Variants in DUS1L observed in about 807,000 individuals in gnomAD.
The protein encoded by DUS1L is tRNA-dihydrouridine(16/17) synthase [NAD(P)(+)]-like.
Under a neutral mutation model 61.2 loss-of-function variants are expected in DUS1L, and 56 were observed. The observed-to-expected ratio is 0.92, with a 90% CI of 0.74 to 1.14. DUS1L has a LOEUF of 1.14. DUS1L is among the 50% of genes most tolerant of loss of function. The probability of loss-of-function intolerance (pLI) is 0.00; values close to 1 mark genes in which losing one functional copy is unlikely to be tolerated. For missense variants in DUS1L, 630 were observed against 632.4 expected (o/e 1.00, Z 0.04); for synonymous variants, 278 against 259.5 (o/e 1.07, Z -0.69).
At chr17:82,062,267 A>G (rs1195804971) in intron 5 of DUS1L, among the ~76,000 whole-genome samples, 2 of 152,112 alleles carry the variant, frequency 1.3e-5, no homozygotes, top group Non-Finnish European at 2.9e-5. Context: ...CCAGGCCGGG[A>G]AGTGGCAGCA....
chr17:82,063,552 G>A (rs2033613906), intron 3 of DUS1L, 34 bp from the exon 4 acceptor site: 1 of 1,612,788 alleles, frequency 6.2e-7, no homozygotes, highest in Non-Finnish European at 8.5e-7. Context: ...GCTGGCACCT[G>A]TGTTAAGGCT....
rs1044261628 is a variant in DUS1L at position 82,064,815 on chromosome 17, C to A, written c.237+8G>T. ...ACCGCGGCCGCGGCCACAGCCCCTC[C>A]TGCGCACCTGCACGATGAGGGGCCG... On this transcript the variant is annotated splice_region_variant and intron_variant, in intron 2 of 13. Coordinates refer to ENST00000306796, the MANE Select transcript of DUS1L (RefSeq NM_022156.5). 1 of 1,603,660 alleles carries A rather than the reference C, an allele frequency of 6.2e-7. No individual in the cohort carries two copies. The highest frequency in any genetic ancestry group is 1.3e-5 in the African/African-American group (1 of 74,886).
At chr17:82,064,259 A>C in intron 2 of DUS1L, 25 bp from the exon 3 acceptor site, 1 of 1,599,454 alleles carries the variant, frequency 6.3e-7, no homozygotes, top group Non-Finnish European at 8.5e-7. Context: ...GGAGTCAGCC[A>C]CGGGCCCAGC....
At position 82,058,256 on chromosome 17, in the gene DUS1L, T is replaced by C. The variant is rs2033163888; in HGVS notation, c.1283-2A>G. 3.2e-6 allele frequency: 5 copies of C among 1,574,466 alleles called. No homozygotes were observed. The highest frequency in any genetic ancestry group is 4.3e-6 in the Non-Finnish European group (5 of 1,154,528). On this transcript the variant is annotated splice_acceptor_variant, in intron 13 of 13. Transcript: ENST00000306796. LOFTEE classifies it high-confidence loss of function. ...TGGTTTTAAAAAGCAATCCGTGACC[T>C]GGCAGAGCGAGTGAGAGGAGTCGGG...
At chr17:82,061,171 G>A (rs1326022532) in intron 8 of DUS1L, 38 bp downstream of exon 8, 1 of 1,559,552 alleles carries the variant, frequency 6.4e-7, no homozygotes, top group Non-Finnish European at 8.7e-7. Context: ...TGCCTGGGCG[G>A]CCCTCCAACG....
At chr17:82,058,503 C>G (rs781193608) in intron 12 of DUS1L, 87 bp from the exon 13 acceptor site, 58 of 1,471,848 alleles carry the variant, frequency 3.9e-5, no homozygotes, top group Non-Finnish European at 4.8e-5. Flanking sequence ...ACTGGGGAAG[C>G]CTCTGCCAGA....
In DUS1L at chr17:82,058,111, G is replaced by C. The variant is rs1277482361; in HGVS notation, c.*4C>G. On this transcript the variant is annotated 3_prime_UTR_variant, in exon 14 of 14. Transcript: ENST00000306796. ...GCAGTCCTGGGGGTGGGGGTTGTGG[G>C]CCTTCAGGCCAGGGCACTGCCCATG... is the stretch of plus-strand genomic sequence containing the variant. 6.5e-7 allele frequency: 1 copy of C among 1,538,066 alleles called. No homozygotes were observed. Among genetic ancestry groups the C allele is most frequent in the East Asian group, 2.4e-5 (1 of 42,014 alleles).
intron 6 of DUS1L, 46 bp from the exon 7 acceptor site, chr17:82,061,767 C>G (rs1389530851): frequency 6.2e-7 from 1 of 1,602,774 alleles, no homozygotes; most frequent in South Asian, 1.1e-5. Flanking sequence ...GAACAGCACC[C>G]AGGTGATGCT....
chr17:82,065,092 G>T, intron 1 of DUS1L, 23 bp from the exon 2 acceptor site: 1 of 1,554,196 alleles, frequency 6.4e-7, no homozygotes. Context: ...CGCAGACCCG[G>T]GGTTCAGCCA....
chr17:82,061,068 C>G (rs2033467279), intron 8 of DUS1L, 107 bp from the exon 9 acceptor site: 2 of 1,535,884 alleles, frequency 1.3e-6, no homozygotes, highest in South Asian at 2.4e-5. Flanking sequence ...CCCAACTCCA[C>G]TCCTAAGTCA....
At chr17:82,062,020 C>A (rs753205300) in intron 5 of DUS1L, 37 bp from the exon 6 acceptor site, 2 of 1,531,430 alleles carry the variant, frequency 1.3e-6, no homozygotes, top group Non-Finnish European at 1.8e-6. Context: ...CCCTCCAAGC[C>A]CCTTCCGCCC....
At chr17:82,064,629 C>G (rs1053455545) in intron 2 of DUS1L, among the ~76,000 whole-genome samples, 194 bp downstream of exon 2, 3 of 152,246 alleles carry the variant, frequency 2.0e-5, no homozygotes, top group African/African-American at 7.2e-5. Flanking sequence ...GCAGCCCTGG[C>G]TCCACCACAG....
chr17:82,062,844 G>A lies in DUS1L; in HGVS notation c.510+17C>T, dbSNP rs771323776. The A allele has an allele frequency of 3.1e-5, 49 of 1,605,768 alleles. No individual in the cohort carries two copies. The South Asian group carries it at 3.5e-4, about 12-fold the overall frequency. ...CCCAGCTGAGGCCCATGACACCCCC[G>A]CGAGCCCAGGGCTCACCTGGCAGCC... On this transcript the variant is annotated intron_variant, in intron 5 of 13. Transcript: ENST00000306796.
chr17:82,060,219 G>T, intron 10 of DUS1L, 126 bp from the exon 11 acceptor site: 1 of 1,290,142 alleles, frequency 7.8e-7, no homozygotes, highest in Non-Finnish European at 1.0e-6. Flanking sequence ...TGTGAGGAGT[G>T]CCCTCCTTTC....
In DUS1L at chr17:82,058,164, G is replaced by C; in HGVS notation, c.1373C>G (p.Pro458Arg). Residue 458 changes from proline to arginine, a missense_variant, in exon 14 of 14, where the codon CCT becomes CGT. Coordinates refer to ENST00000306796, the MANE Select transcript of DUS1L (RefSeq NM_022156.5). Reference protein sequence around the residue: ...PELQEPQPAAPGTPGGFSEVM... With the variant: ...PELQEPQPAARGTPGGFSEVM... ...TTCGGAGAAGCCACCTGGTGTTCCA[G>C]GTGCTGCTGGCTGAGGCTCCTGCAG... 1 of 1,598,394 alleles carries C rather than the reference G, an allele frequency of 6.3e-7. No individual in the cohort carries two copies. Among genetic ancestry groups the C allele is most frequent in the Non-Finnish European group, 8.6e-7 (1 of 1,169,094 alleles).
chr17:82,060,400 C>A lies in DUS1L; in HGVS notation c.1022+301G>T, dbSNP rs1004269662. 5 of 575,700 alleles carry A rather than the reference C, an allele frequency of 8.7e-6. No homozygotes were observed. In the African/African-American group the frequency reaches 9.3e-5, roughly 11 times the overall value. 35.7% of individuals were successfully genotyped at this position (575,700 alleles called of 1,614,324 possible). A position where few individuals can be genotyped will look rare whatever the true frequency, so the allele number is the denominator to read the frequency against. On this transcript the variant is annotated intron_variant, in intron 10 of 13. Transcript: ENST00000306796. ...AAGCTGGGGTCAACCTCTTGACCCA[C>A]GGGCAAATCCACCAGGATCAGAGGA...
rs1266409596 is a variant in DUS1L, at chr17:82,061,608, C to T, written c.697+10G>A. 1.2e-6 allele frequency: 2 copies of T among 1,608,332 alleles called. No individual in the cohort carries two copies. The highest frequency in any genetic ancestry group is 1.7e-6 in the Non-Finnish European group (2 of 1,178,516). ...ATGGGGCCCTGGCTGCTGTCCTGGGCCCTGCCCACCTGCGCTCATGACGCC... is the reference window on the plus strand; with the variant it reads ...ATGGGGCCCTGGCTGCTGTCCTGGGTCCTGCCCACCTGCGCTCATGACGCC... On this transcript the variant is annotated intron_variant, in intron 7 of 13. Coordinates refer to ENST00000306796, the MANE Select transcript of DUS1L (RefSeq NM_022156.5).
rs762787202 is a variant in DUS1L, at chr17:82,060,825, C to T, written c.939+40G>A. 3.7e-6 allele frequency: 6 copies of T among 1,611,320 alleles called. No homozygotes were observed. The African/African-American group carries it at 4.0e-5, about 11-fold the overall frequency. The stretch of plus-strand genomic sequence containing the variant: ...CCCTGGTCATGGCCCCAGCCCCTCA[C>T]CCCCTGCAAGGCCGGGCTCCCACCA... On this transcript the variant is annotated intron_variant, in intron 9 of 13. Coordinates refer to ENST00000306796, the MANE Select transcript of DUS1L (RefSeq NM_022156.5).
intron 12 of DUS1L, 165 bp from the exon 13 acceptor site, chr17:82,058,581 A>C: frequency 6.9e-7 from 1 of 1,452,176 alleles, no homozygotes. Context: ...ACCCCCACCC[A>C]CCCAGACTCT....
Sources: gnomAD v4.1 joint callset for allele counts (sites outside exome capture counted in the v4.1 genomes callset) on GRCh38, gnomAD v4.1.1 for gene constraint, MANE v1.5 for transcripts, NCBI Gene and HGNC (gene_info 2026-07-23, HGNC 2026-07-21) for gene names.